Variants in PRRC2B observed in about 807,000 individuals in gnomAD.
PRRC2B encodes protein PRRC2B.
Under a neutral mutation model 242.3 loss-of-function variants are expected in PRRC2B, and 68 were observed. The ratio of observed to expected loss-of-function variants is 0.28; its 90% CI spans 0.23 to 0.34. The LOEUF (loss-of-function observed/expected upper bound fraction) is 0.34. Among genes scored for constraint, PRRC2B ranks in the 10% least tolerant of loss-of-function variants. The pLI is 1.00. For synonymous variants in PRRC2B, 1,228 were observed against 1,173.6 expected, an observed-to-expected ratio of 1.05 and a Z score of -0.95; for missense variants, 2,835 against 2,954.8, an observed-to-expected ratio of 0.96 and a Z score of 0.94.
Position 131,487,961 on chromosome 9 carries a change from C to T in PRRC2B, c.6090C>T (p.Pro2030=). The T allele has an allele frequency of 6.2e-7, 1 of 1,613,082 alleles. No homozygotes were observed. The change falls in exon 28 of 32, where the codon CCC becomes CCT. Residue 2030 remains proline, a synonymous_variant. Transcript: ENST00000683519. This position sits in a 1 kb window ranked among gnomAD's most constrained non-coding sequence, Gnocchi z 5.3. ...PPYSAFPGMQ[P]LEMVKPQSGS... ...ACTCGGCGTTCCCAGGCATGCAGCC[C>T]TTGGAGATGGTGAAGCCGCAGTCTG...
chr9:131,430,561 A>G (rs76259863), intron 2 of PRRC2B, among the ~76,000 whole-genome samples: 2,494 of 118,708 alleles, frequency 0.021, 50 homozygotes, highest in African/African-American at 0.053. Context: ...GTGTGTGTGT[A>G]TGTGTGTGTG....
At chr9:131,442,937 A>G (rs1588253857) in intron 5 of PRRC2B, among the ~76,000 whole-genome samples, 1 of 152,182 alleles carries the variant, frequency 6.6e-6, no homozygotes, top group Non-Finnish European at 1.5e-5. Flanking sequence ...AGAATGAAGA[A>G]ATAAACTGTT....
chr9:131,478,549 T>A lies in PRRC2B; in HGVS notation c.4688T>A (p.Ile1563Asn). The change falls in exon 18 of 32, where the codon ATC (isoleucine) becomes AAC (asparagine). Residue 1563 changes from isoleucine (I) to asparagine (N), a missense_variant. Ile to Asn is a moderately radical substitution (Grantham distance 149). Coordinates refer to ENST00000683519, the MANE Select transcript of PRRC2B (RefSeq NM_013318.4). ...GGTTCTATGGTGGGCGAAGGCTTCA[T>A]CGAAGTCCTGACCAAGAAGCAGCGC... is the stretch of plus-strand genomic sequence containing the variant. Reference protein sequence around the residue: ...EVGSMVGEGFIEVLTKKQRRL... With the variant: ...EVGSMVGEGFNEVLTKKQRRL... 6.2e-7 allele frequency: 1 copy of A among 1,600,342 alleles called. No individual in the cohort carries two copies. The highest frequency in any genetic ancestry group is 8.5e-7 in the Non-Finnish European group (1 of 1,172,866).
At chr9:131,403,211 T>C (rs1837271147) in intron 1 of PRRC2B, among the ~76,000 whole-genome samples, 1 of 152,180 alleles carries the variant, frequency 6.6e-6, no homozygotes, top group South Asian at 2.1e-4. Context: ...GACCTGTCGG[T>C]GGACTGAATG....
Position 131,473,583 on chromosome 9 carries a change from C to T in PRRC2B, c.2183C>T (p.Pro728Leu), listed in dbSNP as rs773368707. ...GCRSEDQNCV[P>L]PLQERKVTPI... ...CGCTCTGAGGATCAGAACTGTGTGC[C>T]CCCACTCCAAGAAAGAAAAGTGACC... Residue 728 changes from proline (P) to leucine (L), a missense_variant, in exon 15 of 32, where the codon CCC becomes CTC. By Grantham distance (98) the Pro-to-Leu change is moderately conservative. Coordinates refer to ENST00000683519, the MANE Select transcript of PRRC2B (RefSeq NM_013318.4). 4.5e-5 allele frequency: 72 copies of T among 1,611,418 alleles called. 1 individual carries two copies. In the South Asian group the frequency reaches 7.0e-4, roughly 16 times the overall value.
chr9:131,420,463 T>TTCTCTCTTTCTCTCTTTCTC (rs1837783058), intron 1 of PRRC2B, among the ~76,000 whole-genome samples: 2 of 9,382 alleles, frequency 2.1e-4, no homozygotes, highest in African/African-American at 4.2e-4. Flanking sequence ...TTTTCTTTCT[T>TTCTCTCTTTCTCTCTTTCTC]TCTTTCTTTC....
At chr9:131,453,618 A>G (rs973364330) in intron 9 of PRRC2B, among the ~76,000 whole-genome samples, 13 of 152,148 alleles carry the variant, frequency 8.5e-5, no homozygotes, top group African/African-American at 1.9e-4. Flanking sequence ...TGCAACGTCA[A>G]CTTCCTGGGC....
rs1353680398 is a variant in PRRC2B at position 131,398,085 on chromosome 9, A to G, written c.-52+3822A>G. ...GTTGGAGATGGGAGCGACATGGGAT[A>G]TGGTGAGCTTTGTTTCTGGTGAAAT... On this transcript the variant is annotated intron_variant, in intron 1 of 31. Coordinates refer to ENST00000683519, the MANE Select transcript of PRRC2B (RefSeq NM_013318.4). 3.9e-5 allele frequency among the ~76,000 whole-genome samples: 6 copies of G among 152,314 alleles called. 1 individual carries two copies. The highest frequency in any genetic ancestry group is 1.9e-4 in the East Asian group (1 of 5,188).
intron 19 of PRRC2B, among the ~76,000 whole-genome samples, chr9:131,479,749 T>C (rs771169181): frequency 2.2e-4 from 33 of 152,280 alleles, no homozygotes; most frequent in Non-Finnish European, 3.1e-4. Context: ...GAGAAGCAAA[T>C]GACAGATAGA....
chr9:131,414,012 A>G (rs7857964), intron 1 of PRRC2B, among the ~76,000 whole-genome samples: 371 of 152,338 alleles, frequency 2.4e-3, no homozygotes, highest in African/African-American at 8.6e-3. Flanking sequence ...TGAAGGACAT[A>G]TCCTACCAAA....
At chr9:131,483,313 G>T in intron 22 of PRRC2B, 46 bp from the exon 23 acceptor site, 1 of 1,549,428 alleles carries the variant, frequency 6.5e-7, no homozygotes, top group Non-Finnish European at 8.9e-7. Context: ...GGAATGTAGG[G>T]CCAGGAGGAT....
intron 10 of PRRC2B, among the ~76,000 whole-genome samples, chr9:131,457,914 C>T (rs139911203): frequency 1.3e-5 from 2 of 152,270 alleles, no homozygotes; most frequent in East Asian, 3.9e-4. Flanking sequence ...TTCCCTCCCT[C>T]GCCACGTACG....
intron 11 of PRRC2B, among the ~76,000 whole-genome samples, chr9:131,461,605 A>T (rs928469542): frequency 1.3e-5 from 2 of 152,050 alleles, no homozygotes; most frequent in Non-Finnish European, 2.9e-5. Flanking sequence ...GCGGTGGCGT[A>T]ATCTTGGCTC....
chr9:131,474,950 C>A lies in PRRC2B; in HGVS notation c.2821C>A (p.Pro941Thr). ...GACGGGCAGGACCCGGAGGTCGGGA[C>A]CCATCAAGAAACCAGTCCTGAAAGC... ...EQTGRTRRSG[P>T]IKKPVLKALK... The change falls in exon 16 of 32, where the codon CCC becomes ACC. Residue 941 changes from proline to threonine, a missense_variant. Pro to Thr is a conservative substitution (Grantham distance 38, BLOSUM62 -1). Around this residue, in one of 7 missense-constraint regions of PRRC2B, gnomAD observed 1,536 missense variants for 1,483.1 expected, o/e 1.04. Transcript: ENST00000683519. 1 of 1,596,196 alleles carries A rather than the reference C, an allele frequency of 6.3e-7. No individual in the cohort carries two copies.
chr9:131,471,548 A>G (rs1428432505), intron 14 of PRRC2B, among the ~76,000 whole-genome samples: 2 of 152,242 alleles, frequency 1.3e-5, no homozygotes, highest in African/African-American at 2.4e-5. Flanking sequence ...GCAAACTTCT[A>G]CTAATGACCA....
chr9:131,422,695 C>A (rs1837876290), intron 1 of PRRC2B, among the ~76,000 whole-genome samples: 1 of 152,210 alleles, frequency 6.6e-6, no homozygotes, highest in Non-Finnish European at 1.5e-5. Flanking sequence ...TAGCAGGAAC[C>A]TGTTGGACAG....
At chr9:131,403,509 G>A (rs554304895) in intron 1 of PRRC2B, among the ~76,000 whole-genome samples, 27 of 151,648 alleles carry the variant, frequency 1.8e-4, no homozygotes, top group African/African-American at 6.3e-4. Flanking sequence ...ATCCCGCCAC[G>A]CCTGGCTAAT....
At chr9:131,472,034 T>A (rs914786010) in intron 14 of PRRC2B, among the ~76,000 whole-genome samples, 1 of 152,248 alleles carries the variant, frequency 6.6e-6, no homozygotes, top group African/African-American at 2.4e-5. Context: ...AATTTCTGTA[T>A]CTTGTTCCTT....
At position 131,487,797 on chromosome 9, in the gene PRRC2B, G is replaced by T; in HGVS notation, c.5985-59G>T. On this transcript the variant is annotated intron_variant, in intron 27 of 31. Transcript: ENST00000683519. This position sits in a 1 kb window ranked among gnomAD's most constrained non-coding sequence, Gnocchi z 5.3. The stretch of plus-strand genomic sequence containing the variant: ...CTCTCCGGGGATCTCTGAAGGGTGG[G>T]ACCAGATCCGCAGCTGGACTCATCC... The T allele has an allele frequency of 6.4e-7, 1 of 1,563,722 alleles. No individual in the cohort carries two copies. The highest frequency in any genetic ancestry group is 1.2e-5 in the South Asian group (1 of 83,576).
Sources: allele counts gnomAD v4.1 joint callset (sites outside exome capture counted in the v4.1 genomes callset), GRCh38; gene constraint gnomAD v4.1.1; regional missense constraint gnomAD v4.1.1; non-coding constraint Gnocchi (gnomAD v3.1); transcripts MANE v1.5; gene names NCBI Gene and HGNC (gene_info 2026-07-23, HGNC 2026-07-21).